BBS9: variants seen among roughly 807,000 people sequenced by gnomAD.
BBS9 encodes Bardet-Biedl syndrome 9, also known as protein PTHB1.
A neutral mutation model predicts 117.7 loss-of-function variants in BBS9; 89 were observed. That is an observed-to-expected ratio of 0.76 (90% CI 0.64 to 0.90). BBS9 has a LOEUF of 0.90. Among genes scored for constraint, BBS9 ranks in the 40% least tolerant of loss-of-function variants. BBS9 has a pLI of 0.00. For missense variants in BBS9, 982 were observed against 1,042.2 expected, an observed-to-expected ratio of 0.94 and a Z score of 0.80; for synonymous variants, 379 against 370.9, an observed-to-expected ratio of 1.02 and a Z score of -0.25.
chr7:33,257,200 GA>G, intron 5 of BBS9, 35 bp from the exon 6 acceptor site: 1 of 1,400,188 alleles, frequency 7.1e-7, no homozygotes, highest in Middle Eastern at 2.0e-4. Flanking sequence ...TTTATAAAAA[GA>G]ATAGATTATC....
intron 21 of BBS9, among the ~76,000 whole-genome samples, chr7:33,562,794 C>T (rs887827022): frequency 4.6e-5 from 7 of 152,028 alleles, no homozygotes; most frequent in African/African-American, 1.2e-4. Context: ...CATGGTGGCA[C>T]GCGCCTGTAG....
rs77132401 is a variant in BBS9 at position 33,459,235 on chromosome 7, T to C, written c.2116-46228T>C. Among the ~76,000 whole-genome samples, 37 of 152,168 alleles carry C rather than the reference T, an allele frequency of 2.4e-4. No homozygotes were observed. The East Asian group carries it at 7.0e-3, about 29-fold the overall frequency. The stretch of plus-strand genomic sequence containing the variant: ...ATTGTTCTGCTTGTTTTAACTATCA[T>C]GTTTTATTTTGCTCAGCATTTTGGA... On this transcript the variant is annotated intron_variant, in intron 19 of 22. Coordinates refer to ENST00000242067, the MANE Select transcript of BBS9 (RefSeq NM_198428.3).
chr7:33,563,852 G>C (rs977924542), intron 21 of BBS9, among the ~76,000 whole-genome samples: 1 of 152,168 alleles, frequency 6.6e-6, no homozygotes, highest in African/African-American at 2.4e-5. Context: ...TGCGAAGTGC[G>C]AGCTTCTTTG....
chr7:33,627,862 G>A (rs1165540520), intron 21 of BBS9, among the ~76,000 whole-genome samples: 1 of 152,124 alleles, frequency 6.6e-6, no homozygotes, highest in African/African-American at 2.4e-5. Context: ...GAGCAACATG[G>A]TGAAACCCCA....
At chr7:33,576,393 A>C (rs1858867912) in intron 21 of BBS9, among the ~76,000 whole-genome samples, 1 of 152,182 alleles carries the variant, frequency 6.6e-6, no homozygotes, top group East Asian at 1.9e-4. Flanking sequence ...ACCACTGCTC[A>C]ACAAAATAAA....
intron 6 of BBS9, among the ~76,000 whole-genome samples, chr7:33,259,979 C>T (rs1797700142): frequency 2.1e-5 from 3 of 144,294 alleles, no homozygotes; most frequent in African/African-American, 2.6e-5. Flanking sequence ...ATTTTTATTT[C>T]TGACTAAAAG....
chr7:33,543,789 G>A (rs543792661), intron 21 of BBS9, among the ~76,000 whole-genome samples: 7 of 152,232 alleles, frequency 4.6e-5, no homozygotes, highest in South Asian at 2.1e-4. Context: ...CCCCAAATAT[G>A]TTTTCCAGGC....
chr7:33,171,766 A>G (rs551440133), intron 4 of BBS9, among the ~76,000 whole-genome samples: 1 of 152,274 alleles, frequency 6.6e-6, no homozygotes, highest in East Asian at 1.9e-4. Flanking sequence ...ATTATTATTT[A>G]ATTTAATATA....
chr7:33,604,976 G>T lies in BBS9; in HGVS notation c.2632+1G>T. 6.2e-7 allele frequency: 1 copy of T among 1,600,838 alleles called. No individual in the cohort carries two copies. The highest frequency in any genetic ancestry group is 1.1e-5 in the South Asian group (1 of 90,804). On this transcript the variant is annotated splice_donor_variant, in intron 22 of 22. Transcript: ENST00000242067. LOFTEE classifies it high-confidence loss of function. The stretch of plus-strand genomic sequence containing the variant: ...CTCACTGCAGAGACACCCAGGCCTG[G>T]TAAGAGACTGGATGGCCTTCACAAG...
At chr7:33,185,278 C>T (rs934964850) in intron 5 of BBS9, among the ~76,000 whole-genome samples, 3 of 151,988 alleles carry the variant, frequency 2.0e-5, no homozygotes, top group African/African-American at 4.8e-5. Flanking sequence ...GAATGCAGCC[C>T]AGTAGGTCTC....
At chr7:33,130,183 AACAAAC>A (rs1789366460) in intron 1 of BBS9, 142 bp downstream of exon 1, 1 of 152,196 alleles carries the variant, frequency 6.6e-6, no homozygotes, top group Admixed American at 6.5e-5. Flanking sequence ...CACTGAAATA[AACAAAC>A]ACTAGGAGCA....
chr7:33,423,021 CAG>C (rs1430107451), intron 19 of BBS9, among the ~76,000 whole-genome samples: 2 of 152,168 alleles, frequency 1.3e-5, no homozygotes, highest in Non-Finnish European at 2.9e-5. Context: ...ACCCTTCTAT[CAG>C]AACTGAATGC....
At chr7:33,525,826 G>T (rs1849399417) in intron 20 of BBS9, among the ~76,000 whole-genome samples, 3 of 146,492 alleles carry the variant, frequency 2.0e-5, no homozygotes. Flanking sequence ...GTTAGTTGAT[G>T]CAGTTTCTTC....
chr7:33,277,925 C>T (rs1801061575), intron 9 of BBS9, among the ~76,000 whole-genome samples: 1 of 152,132 alleles, frequency 6.6e-6, no homozygotes, highest in Non-Finnish European at 1.5e-5. Flanking sequence ...TTGTCTACAC[C>T]TTAGCAAAAT....
At chr7:33,454,200 TA>T (rs1838309091) in intron 19 of BBS9, among the ~76,000 whole-genome samples, 1 of 152,212 alleles carries the variant, frequency 6.6e-6, no homozygotes, top group African/African-American at 2.4e-5. Context: ...CTTTGGGCTT[TA>T]AATAACTGAA....
At chr7:33,260,920 A>C (rs1041917810) in intron 6 of BBS9, among the ~76,000 whole-genome samples, 3 of 152,234 alleles carry the variant, frequency 2.0e-5, no homozygotes, top group Non-Finnish European at 4.4e-5. Context: ...CACTAAGTAA[A>C]TAATCAGCCT....
intron 6 of BBS9, among the ~76,000 whole-genome samples, chr7:33,261,665 AT>A (rs1301361063): frequency 6.6e-6 from 1 of 152,188 alleles, no homozygotes; most frequent in Admixed American, 6.5e-5. Context: ...CTCAATCTAT[AT>A]TTTAGTTACC....
chr7:33,346,778 A>G (rs1475597778), intron 12 of BBS9, among the ~76,000 whole-genome samples: 2 of 152,236 alleles, frequency 1.3e-5, no homozygotes, highest in Non-Finnish European at 2.9e-5. Flanking sequence ...TTGTCTAAGT[A>G]GACATCGTTG....
chr7:33,372,622 G>A (rs935442844), intron 17 of BBS9, among the ~76,000 whole-genome samples: 1 of 151,980 alleles, frequency 6.6e-6, no homozygotes, highest in Non-Finnish European at 1.5e-5. Context: ...TTCTTCTTTT[G>A]TTATGTCCTT....
Sources: allele counts gnomAD v4.1 joint callset (sites outside exome capture counted in the v4.1 genomes callset), GRCh38; gene constraint gnomAD v4.1.1; transcripts MANE v1.5; gene names NCBI Gene and HGNC (gene_info 2026-07-23, HGNC 2026-07-21).